Variants in PLG observed in about 807,000 individuals in gnomAD.
PLG encodes plasmin.
In PLG, 41 loss-of-function variants were observed where a neutral mutation model predicts 104.4. The observed-to-expected ratio is 0.39, with a 90% CI of 0.31 to 0.51. The LOEUF (loss-of-function observed/expected upper bound fraction) is 0.51, where lower values mean the gene tolerates loss of function less well. Ranked by LOEUF, PLG falls within the 20% of genes least tolerant of loss-of-function variation. PLG has a pLI of 0.76. For missense variants in PLG, 891 were observed against 1,003.6 expected (o/e 0.89, Z 1.52); for synonymous variants, 337 against 357.1 (o/e 0.94, Z 0.63).
Position 160,722,580 on chromosome 6 carries a change from T to G in PLG, c.1256+13T>G, listed in dbSNP as rs776405398. ...ACTACCCAAATGCGTATGTCTTTGATTTTTACTGTAAGAGGGGCATCAGCC... is the reference window on the plus strand; with the variant it reads ...ACTACCCAAATGCGTATGTCTTTGAGTTTTACTGTAAGAGGGGCATCAGCC... On this transcript the variant is annotated intron_variant, in intron 10 of 18. Transcript: ENST00000308192. The G allele has an allele frequency of 6.2e-7, 1 of 1,611,534 alleles. No individual in the cohort carries two copies. The highest frequency in any genetic ancestry group is 8.5e-7 in the Non-Finnish European group (1 of 1,177,778).
chr6:160,753,036 T>G lies in PLG; in HGVS notation c.2408T>G (p.Ile803Ser). 3.8e-6 allele frequency: 6 copies of G among 1,592,388 alleles called. No homozygotes were observed. The highest frequency in any genetic ancestry group is 5.2e-6 in the Non-Finnish European group (6 of 1,161,596). ...CGTGTTTCAAGGTTTGTTACTTGGA[T>G]TGAGGGAGTGATGAGAAATAATTAA... ...YVRVSRFVTW[I>S]EGVMRNN The change falls in exon 19 of 19, where the codon ATT becomes AGT. Residue 803 changes from isoleucine to serine, a missense_variant. Ile to Ser is a moderately radical substitution (Grantham distance 142). Around this residue, in one of 2 missense-constraint regions of PLG, gnomAD observed 37 missense variants for 71.5 expected, o/e 0.52. Coordinates refer to ENST00000308192, the MANE Select transcript of PLG (RefSeq NM_000301.5). This position sits in a 1 kb window ranked among gnomAD's most constrained non-coding sequence, Gnocchi z 5.4.
intron 6 of PLG, 36 bp from the exon 7 acceptor site, chr6:160,716,609 T>C: frequency 8.6e-7 from 1 of 1,157,058 alleles, no homozygotes; most frequent in Non-Finnish European, 1.3e-6. Flanking sequence ...TGAATGTAAA[T>C]GTTCAGTGCT....
intron 10 of PLG, among the ~76,000 whole-genome samples, chr6:160,727,851 C>G (rs1730539285): frequency 6.6e-6 from 1 of 151,886 alleles, no homozygotes; most frequent in South Asian, 2.1e-4. Context: ...AATGTTTTCT[C>G]TCTAAGATTG....
chr6:160,705,433 T>C (rs1267641574), intron 1 of PLG: 1 of 152,196 alleles, frequency 6.6e-6, no homozygotes, highest in Admixed American at 6.5e-5. Context: ...TTGTCCCAGG[T>C]CCTGCTTTTT....
chr6:160,729,518 T>C (rs544183240), intron 10 of PLG, among the ~76,000 whole-genome samples: 1 of 152,360 alleles, frequency 6.6e-6, no homozygotes, highest in African/African-American at 2.4e-5. Context: ...TAATTTGTGA[T>C]CTATTCATAT....
chr6:160,743,642 G>A (rs1160143848), intron 17 of PLG, among the ~76,000 whole-genome samples: 2 of 152,102 alleles, frequency 1.3e-5, no homozygotes, highest in Admixed American at 1.3e-4. Flanking sequence ...CTATCTGGAT[G>A]CCCTTTATTT....
rs1582941857 is a variant in PLG at position 160,726,417 on chromosome 6, A to C, written c.1256+3850A>C. 6.6e-6 allele frequency among the ~76,000 whole-genome samples: 1 copy of C among 152,078 alleles called. No homozygotes were observed. The highest frequency in any genetic ancestry group is 1.9e-4 in the East Asian group (1 of 5,202). ...AATACAACATATCAAAGTTCGTATG[A>C]TGCAGCGAATGTTTTTAGGGTTTTA... On this transcript the variant is annotated intron_variant, in intron 10 of 18. Transcript: ENST00000308192. This position sits in a 1 kb window ranked among gnomAD's most constrained non-coding sequence, Gnocchi z 4.4.
chr6:160,710,384 C>T (rs1375060732), intron 3 of PLG, among the ~76,000 whole-genome samples: 8 of 152,084 alleles, frequency 5.3e-5, no homozygotes, highest in South Asian at 4.2e-4. Flanking sequence ...ACATAACTCA[C>T]GTGGGGGGAA....
At chr6:160,703,254 T>C (rs1304523033) in intron 1 of PLG, among the ~76,000 whole-genome samples, 1 of 137,764 alleles carries the variant, frequency 7.3e-6, no homozygotes, top group Non-Finnish European at 1.6e-5. Flanking sequence ...CATGTCCTAG[T>C]ACTTCTTTTT....
At position 160,731,257 on chromosome 6, in the gene PLG, T is replaced by TACACGCTTC. The variant is rs758543555; in HGVS notation, c.1438+29_1438+30insGCTTCACAC. On this transcript the variant is annotated intron_variant, in intron 11 of 18. Coordinates refer to ENST00000308192, the MANE Select transcript of PLG (RefSeq NM_000301.5). The surrounding 1 kb of genome is among the most constrained non-coding windows in gnomAD (Gnocchi z 5.1). ...GGTAAGAAATCTGTGGCTGGACATC[T>TACACGCTTC]ACACACTTGGACGCTGGGATGAAAA... 18 of 1,586,752 alleles carry TACACGCTTC rather than the reference T, an allele frequency of 1.1e-5. No homozygotes were observed. The Admixed American group carries it at 1.7e-4, about 15-fold the overall frequency.
rs3057066 is a variant in PLG, at chr6:160,720,410, C to CTTTT, written c.1096+1596_1096+1599dup. Reference sequence around the variant, plus strand: ...TCTTTTCTCTTTTTTCTTTTCTTTTCTTTTTTTTTTTTTTTTTTTTTTTTT... The same window carrying CTTTT: ...TCTTTTCTCTTTTTTCTTTTCTTTTCTTTTTTTTTTTTTTTTTTTTTTTTTTTTT... On this transcript the variant is annotated intron_variant, in intron 9 of 18. Transcript: ENST00000308192. Among the ~76,000 whole-genome samples the CTTTT allele has an allele frequency of 1.3e-3, 76 of 58,528 alleles. 15 individuals carry two copies. The highest frequency in any genetic ancestry group is 2.5e-3 in the African/African-American group (32 of 12,932). The allele number at this position is 58,528 out of a possible 152,430, so 38.4% of individuals were successfully genotyped here.
chr6:160,716,662 TGAA>T lies in PLG; in HGVS notation c.693_695del (p.Lys231del), dbSNP rs121918034. Reference sequence around the variant, plus strand: ...CCATTCAGATTTCCAAACAAGAACCTGAAGAAGAATTACTGTCGTAACCCCGAT... The same window carrying T: ...CCATTCAGATTTCCAAACAAGAACCTGAAGAATTACTGTCGTAACCCCGAT... On this transcript the variant is annotated inframe_deletion, in exon 7 of 19. Coordinates refer to ENST00000308192, the MANE Select transcript of PLG (RefSeq NM_000301.5). The T allele has an allele frequency of 9.3e-6, 15 of 1,606,512 alleles. No homozygotes were observed. Among genetic ancestry groups the T allele is most frequent in the Non-Finnish European group, 1.2e-5 (14 of 1,173,162 alleles).
chr6:160,727,614 G>C lies in PLG; in HGVS notation c.1257-3437G>C, dbSNP rs1224280614. Among the ~76,000 whole-genome samples the C allele has an allele frequency of 2.0e-5, 3 of 151,884 alleles. No homozygotes were observed. The East Asian group carries it at 5.8e-4, about 29-fold the overall frequency. On this transcript the variant is annotated intron_variant, in intron 10 of 18. Transcript: ENST00000308192. ...TGAAGCTTCTCTTCAAGAATGCAAG[G>C]CTGGCTTAACATTTACAAAACAATC... is the stretch of plus-strand genomic sequence containing the variant.
intron 17 of PLG, among the ~76,000 whole-genome samples, chr6:160,743,286 C>A (rs966472480): frequency 3.3e-5 from 5 of 152,176 alleles, no homozygotes; most frequent in African/African-American, 1.2e-4. Flanking sequence ...TTCTTCCAAT[C>A]CATGAGCATG....
intron 17 of PLG, among the ~76,000 whole-genome samples, chr6:160,742,968 C>T (rs532557605): frequency 4.0e-5 from 6 of 149,746 alleles, no homozygotes; most frequent in African/African-American, 1.5e-4. Context: ...AGGTGTGTGG[C>T]CTTATTTCTG....
rs143678807 is a variant in PLG, at chr6:160,715,103, C to T, written c.668+189C>T. ...TTCTTGCTGCTCAAAATATGGTCCACGGGTCAGCAGCAGGGATGTTTTCTG... is the reference window on the plus strand; with the variant it reads ...TTCTTGCTGCTCAAAATATGGTCCATGGGTCAGCAGCAGGGATGTTTTCTG... On this transcript the variant is annotated intron_variant, in intron 6 of 18. Coordinates refer to ENST00000308192, the MANE Select transcript of PLG (RefSeq NM_000301.5). Among the ~76,000 whole-genome samples, 159 of 152,294 alleles carry T rather than the reference C, an allele frequency of 1.0e-3. 2 individuals are homozygous for T. The highest frequency in any genetic ancestry group is 3.5e-3 in the African/African-American group (145 of 41,548).
Position 160,752,289 on chromosome 6 carries a change from G to T in PLG, c.2271+29G>T. ...AGCAAAGATCAAGAGACCAAAGTTA[G>T]TCTTGTGCTCTCTTGTCTCAGTCTC... On this transcript the variant is annotated intron_variant, in intron 18 of 18. Transcript: ENST00000308192. This position sits in a 1 kb window ranked among gnomAD's most constrained non-coding sequence, Gnocchi z 4.7. 1 of 1,604,314 alleles carries T rather than the reference G, an allele frequency of 6.2e-7. No homozygotes were observed. Among genetic ancestry groups the T allele is most frequent in the Non-Finnish European group, 8.5e-7 (1 of 1,171,156 alleles).
At position 160,702,471 on chromosome 6, in the gene PLG, T is replaced by C. The variant is rs1010663227; in HGVS notation, c.49+118T>C. On this transcript the variant is annotated intron_variant, in intron 1 of 18. Coordinates refer to ENST00000308192, the MANE Select transcript of PLG (RefSeq NM_000301.5). The stretch of plus-strand genomic sequence containing the variant: ...AATTTTTGATTCATGAAACTTCCAG[T>C]TGAAAATCTTGTATAAGATTGAGGA... 8 of 1,295,178 alleles carry C rather than the reference T, an allele frequency of 6.2e-6. No individual in the cohort carries two copies. In the African/African-American group the frequency reaches 1.2e-4, roughly 19 times the overall value. 80.2% of individuals were successfully genotyped at this position (1,295,178 alleles called of 1,614,324 possible).
chr6:160,711,561 A>G (rs1777642793), intron 4 of PLG: 6 of 1,606,992 alleles, frequency 3.7e-6, no homozygotes, highest in South Asian at 1.1e-5. Flanking sequence ...TTTAATTCAA[A>G]CCACAATATG....
Sources: allele counts gnomAD v4.1 joint callset (sites outside exome capture counted in the v4.1 genomes callset), GRCh38; gene constraint gnomAD v4.1.1; regional missense constraint gnomAD v4.1.1; non-coding constraint Gnocchi (gnomAD v3.1); transcripts MANE v1.5; gene names NCBI Gene and HGNC (gene_info 2026-07-23, HGNC 2026-07-21).